The following HSD17B12 variants were observed in gnomAD, a reference collection of about 807,000 sequenced individuals.
HSD17B12 encodes the protein hydroxysteroid 17-beta dehydrogenase 12.
HSD17B12 carries 32 observed loss-of-function variants against 39.3 expected under a neutral mutation model. The observed-to-expected ratio is 0.81, with a 90% CI of 0.61 to 1.09. The LOEUF (loss-of-function observed/expected upper bound fraction) is 1.09, where lower values mean the gene tolerates loss of function less well. HSD17B12 is among the 50% of genes least tolerant of loss of function. The probability of loss-of-function intolerance (pLI) is 0.00; values close to 1 mark genes in which losing one functional copy is unlikely to be tolerated. For missense variants in HSD17B12, 342 were observed against 382.9 expected, an observed-to-expected ratio of 0.89 and a Z score of 0.89; for synonymous variants, 150 against 146.7, an observed-to-expected ratio of 1.02 and a Z score of -0.16.
At chr11:43,626,316 C>A in the HSD17B12 span, among the ~76,000 whole-genome samples, 2 of 151,640 alleles carry the variant, frequency 1.3e-5, no homozygotes, top group African/African-American at 4.8e-5. Flanking sequence ...TGAATGCCAA[C>A]CATTTCAGTA....
chr11:43,617,279 T>C, the HSD17B12 span, among the ~76,000 whole-genome samples: 2 of 152,152 alleles, frequency 1.3e-5, no homozygotes, highest in African/African-American at 2.4e-5. Context: ...ATGACCATGA[T>C]TGTGATGACC....
At chr11:43,834,934 C>CT (rs1315202106) in intron 7 of HSD17B12, among the ~76,000 whole-genome samples, 1 of 152,142 alleles carries the variant, frequency 6.6e-6, no homozygotes, top group Non-Finnish European at 1.5e-5. Flanking sequence ...ATTTGTACCA[C>CT]TGAGACAGCA....
chr11:43,576,140 G>C, the HSD17B12 span, among the ~76,000 whole-genome samples: 1 of 152,184 alleles, frequency 6.6e-6, no homozygotes, highest in African/African-American at 2.4e-5. Flanking sequence ...AACGCCTTCT[G>C]CTCGGGGAGA....
chr11:43,846,507 T>A (rs1251027487), intron 9 of HSD17B12, among the ~76,000 whole-genome samples: 2 of 152,054 alleles, frequency 1.3e-5, no homozygotes, highest in Admixed American at 1.3e-4. Context: ...CTCCTAAAAA[T>A]ACAAAAATTA....
Position 43,855,316 on chromosome 11 carries a change from A to G in HSD17B12, c.*68A>G, listed in dbSNP as rs1951572909. On this transcript the variant is annotated 3_prime_UTR_variant, in exon 11 of 11. Coordinates refer to ENST00000278353, the MANE Select transcript of HSD17B12 (RefSeq NM_016142.3). The stretch of plus-strand genomic sequence containing the variant: ...ATGCACGTTCACTGCAAAGCACCCT[A>G]CTGGTTTTGAAAATCTGACCTTGTC... The G allele has an allele frequency of 5.8e-6, 5 of 859,058 alleles. No individual in the cohort carries two copies. The highest frequency in any genetic ancestry group is 1.7e-5 in the African/African-American group (1 of 57,830). The allele number at this position is 859,058 out of a possible 1,614,324, so 53.2% of individuals were successfully genotyped here.
chr11:43,744,767 C>T (rs947131964), intron 1 of HSD17B12, among the ~76,000 whole-genome samples: 3 of 152,114 alleles, frequency 2.0e-5, no homozygotes, highest in African/African-American at 7.2e-5. Context: ...AGGAATAACA[C>T]CTGTGAGGAA....
intron 1 of HSD17B12, among the ~76,000 whole-genome samples, chr11:43,747,480 A>G (rs1054978369): frequency 6.6e-6 from 1 of 152,150 alleles, no homozygotes; most frequent in African/African-American, 2.4e-5. Context: ...ATAGGGGACA[A>G]TAAGTTCTGG....
At chr11:43,812,515 TC>T (rs1469797550) in intron 4 of HSD17B12, among the ~76,000 whole-genome samples, 1 of 152,222 alleles carries the variant, frequency 6.6e-6, no homozygotes, top group Non-Finnish European at 1.5e-5. Flanking sequence ...TTGTATGTCT[TC>T]TTTTGAGAAA....
At chr11:43,631,096 C>T in the HSD17B12 span, among the ~76,000 whole-genome samples, 8 of 152,126 alleles carry the variant, frequency 5.3e-5, no homozygotes, top group Admixed American at 1.3e-4. Flanking sequence ...TGAGCCATAG[C>T]GCCCGACCAA....
chr11:43,679,669 GAT>G (rs1010062084), upstream of HSD17B12, among the ~76,000 whole-genome samples: 37 of 152,210 alleles, frequency 2.4e-4, no homozygotes, highest in African/African-American at 8.9e-4. Context: ...CAAATTAAAA[GAT>G]ATAGTCTCCT....
the HSD17B12 span, among the ~76,000 whole-genome samples, chr11:43,593,308 T>A: frequency 2.0e-5 from 3 of 152,208 alleles, no homozygotes; most frequent in African/African-American, 7.2e-5. Context: ...GTGGAGTCTA[T>A]CTGCCACATA....
chr11:43,681,859 T>G (rs1949748964), intron 1 of HSD17B12, among the ~76,000 whole-genome samples: 2 of 147,394 alleles, frequency 1.4e-5, no homozygotes, highest in Non-Finnish European at 3.0e-5. Flanking sequence ...TTCAACCTAT[T>G]TTGTTTCCTT....
intron 1 of HSD17B12, among the ~76,000 whole-genome samples, chr11:43,700,567 T>C (rs573214479): frequency 3.3e-5 from 5 of 152,226 alleles, no homozygotes; most frequent in Admixed American, 1.3e-4. Context: ...TTAGAGCCCA[T>C]AAGTAAGAGA....
chr11:43,672,821 G>C, the HSD17B12 span, among the ~76,000 whole-genome samples: 1 of 152,316 alleles, frequency 6.6e-6, no homozygotes, highest in South Asian at 2.1e-4. Flanking sequence ...GATTACAGGC[G>C]TGAGTCGCCG....
chr11:43,760,424 T>A lies in HSD17B12; in HGVS notation c.283+6303T>A, dbSNP rs995148600. On this transcript the variant is annotated intron_variant, in intron 3 of 10. Coordinates refer to ENST00000278353, the MANE Select transcript of HSD17B12 (RefSeq NM_016142.3). ...AAACTGCATATTTCTTTCTTGGATT[T>A]AAAAAAATCAAACCATGAGATTTCT... Among the ~76,000 whole-genome samples the A allele has an allele frequency of 2.6e-5, 4 of 152,270 alleles. No individual in the cohort carries two copies. In the South Asian group the frequency reaches 6.2e-4, roughly 24 times the overall value.
chr11:43,779,820 G>A (rs1037548283), intron 3 of HSD17B12, among the ~76,000 whole-genome samples: 6 of 152,154 alleles, frequency 3.9e-5, no homozygotes, highest in African/African-American at 1.2e-4. Flanking sequence ...ATGCATTACC[G>A]CTTTCACATT....
chr11:43,584,856 A>G, the HSD17B12 span, among the ~76,000 whole-genome samples: 4 of 152,228 alleles, frequency 2.6e-5, no homozygotes, highest in Non-Finnish European at 4.4e-5. Context: ...AAGGAAGGAC[A>G]CAGTACCTAC....
At chr11:43,730,920 G>A (rs1950261403) in intron 1 of HSD17B12, among the ~76,000 whole-genome samples, 1 of 152,120 alleles carries the variant, frequency 6.6e-6, no homozygotes, top group Admixed American at 6.6e-5. Flanking sequence ...AAATCTCTTA[G>A]TGAGGTGAGA....
intron 4 of HSD17B12, among the ~76,000 whole-genome samples, chr11:43,801,589 G>A (rs1363643388): frequency 7.9e-6 from 1 of 127,028 alleles, no homozygotes; most frequent in African/African-American, 3.0e-5. Context: ...TTAGTTGATA[G>A]TTGGAGATAT....
Sources: allele counts gnomAD v4.1 joint callset (sites outside exome capture counted in the v4.1 genomes callset), GRCh38; gene constraint gnomAD v4.1.1; transcripts MANE v1.5; gene names NCBI Gene and HGNC (gene_info 2026-07-23, HGNC 2026-07-21).